Variants in STIM1 observed in about 807,000 individuals in gnomAD.
The protein encoded by STIM1 is stromal interaction molecule 1.
In STIM1, 25 loss-of-function variants were observed where a neutral mutation model predicts 74.7. The observed-to-expected ratio is 0.33, with a 90% CI of 0.24 to 0.47. The LOEUF (loss-of-function observed/expected upper bound fraction) is 0.47, where lower values mean the gene tolerates loss of function less well. Ranked by LOEUF, STIM1 falls within the 20% of genes least tolerant of loss-of-function variation. The pLI, the probability that STIM1 is intolerant of heterozygous loss-of-function variation, is 1.00. For synonymous variants in STIM1, 328 were observed against 348.8 expected, an observed-to-expected ratio of 0.94 and a Z score of 0.66; for missense variants, 728 against 920.8, an observed-to-expected ratio of 0.79 and a Z score of 2.71.
intron 2 of STIM1, among the ~76,000 whole-genome samples, chr11:3,991,950 CAAAAAAA>C (rs1230185435): frequency 1.4e-4 from 5 of 36,702 alleles, no homozygotes; most frequent in East Asian, 2.1e-3. Flanking sequence ...AACTCCATCT[CAAAAAAA>C]AAAAAAAAAA....
intron 1 of STIM1, among the ~76,000 whole-genome samples, chr11:3,951,597 G>A (rs2093149016): frequency 6.6e-6 from 1 of 152,056 alleles, no homozygotes; most frequent in Non-Finnish European, 1.5e-5. Context: ...TTATCATTGT[G>A]CACTTAGAGC....
intron 1 of STIM1, chr11:3,892,672 G>A (rs1378156212): frequency 6.2e-7 from 1 of 1,611,642 alleles, no homozygotes. Context: ...TGCTGCTAGT[G>A]CCATTATGGT....
intron 5 of STIM1, among the ~76,000 whole-genome samples, chr11:4,063,028 T>C (rs1335909887): frequency 2.6e-5 from 4 of 152,218 alleles, no homozygotes; most frequent in African/African-American, 9.7e-5. Flanking sequence ...TATATAATTT[T>C]GTGAGTTCAC....
intron 1 of STIM1, among the ~76,000 whole-genome samples, chr11:3,883,078 T>A (rs1425698011): frequency 6.6e-6 from 1 of 152,222 alleles, no homozygotes; most frequent in African/African-American, 2.4e-5. Flanking sequence ...TTATCTTTTT[T>A]AAAAACATTT....
Position 3,856,090 on chromosome 11 carries a change from C to T in STIM1, c.-181C>T, listed in dbSNP as rs773568469. The T allele has an allele frequency of 2.7e-5, 20 of 734,948 alleles. No homozygotes were observed. In the African/African-American group the frequency reaches 3.1e-4, roughly 12 times the overall value. The allele number at this position is 734,948 out of a possible 1,614,324, so 45.5% of individuals were successfully genotyped here. On this transcript the variant is annotated 5_prime_UTR_variant, in exon 1 of 13. Transcript: ENST00000526596. The stretch of plus-strand genomic sequence containing the variant: ...TGAGGAGCCAGCCCTCCTCCCGCAC[C>T]CAAACTTGGAGCACTTGACCTTTGG...
At chr11:3,915,307 C>T (rs1263824485) in intron 1 of STIM1, among the ~76,000 whole-genome samples, 1 of 152,024 alleles carries the variant, frequency 6.6e-6, no homozygotes, top group Non-Finnish European at 1.5e-5. Flanking sequence ...CCAGGTGCAT[C>T]TCGAATTCCC....
At chr11:3,943,900 A>G (rs2093040728) in intron 1 of STIM1, among the ~76,000 whole-genome samples, 1 of 152,274 alleles carries the variant, frequency 6.6e-6, no homozygotes, top group African/African-American at 2.4e-5. Flanking sequence ...ACAGATTCAC[A>G]TAAGTGACAG....
At chr11:3,863,315 G>A (rs946618664) in intron 1 of STIM1, among the ~76,000 whole-genome samples, 6 of 150,972 alleles carry the variant, frequency 4.0e-5, no homozygotes, top group African/African-American at 1.5e-4. Context: ...GATTGCAGTG[G>A]TGTGATCATG....
At chr11:3,934,924 G>A (rs1472747489) in intron 1 of STIM1, among the ~76,000 whole-genome samples, 1 of 152,204 alleles carries the variant, frequency 6.6e-6, no homozygotes, top group Admixed American at 6.5e-5. Flanking sequence ...GCCACCCTTG[G>A]CATCCTAACT....
At chr11:3,977,770 T>A (rs2093462721) in intron 2 of STIM1, among the ~76,000 whole-genome samples, 1 of 152,144 alleles carries the variant, frequency 6.6e-6, no homozygotes, top group African/African-American at 2.4e-5. Context: ...ATTTTTTTTT[T>A]AAGCTATTTG....
chr11:4,046,159 G>A (rs146371159), intron 3 of STIM1, among the ~76,000 whole-genome samples: 1 of 145,286 alleles, frequency 6.9e-6, no homozygotes, highest in East Asian at 2.0e-4. Flanking sequence ...CTGCCTCCTG[G>A]GTTCCAGTGA....
chr11:4,024,521 T>A (rs1297683829), intron 3 of STIM1, among the ~76,000 whole-genome samples: 3 of 152,246 alleles, frequency 2.0e-5, no homozygotes, highest in Admixed American at 6.5e-5. Context: ...AGAAAACATT[T>A]TCTCAGCCTC....
intron 4 of STIM1, 88 bp downstream of exon 4, chr11:4,055,725 T>C: frequency 4.0e-6 from 4 of 993,580 alleles, no homozygotes; most frequent in Non-Finnish European, 6.1e-6. Flanking sequence ...GCCAGTTAAG[T>C]GAGGTTCTGC....
intron 7 of STIM1, among the ~76,000 whole-genome samples, chr11:4,077,579 A>G (rs1008493684): frequency 7.2e-5 from 11 of 152,170 alleles, no homozygotes; most frequent in African/African-American, 2.7e-4. Flanking sequence ...TCTAGAATAT[A>G]CATTCTTTTT....
At chr11:3,900,807 CT>C (rs1297817978) in intron 1 of STIM1, among the ~76,000 whole-genome samples, 1 of 152,188 alleles carries the variant, frequency 6.6e-6, no homozygotes, top group Admixed American at 6.5e-5. Context: ...AACTCCTGGA[CT>C]CAAGCAGTCT....
intron 2 of STIM1, among the ~76,000 whole-genome samples, chr11:4,022,208 A>G (rs541601556): frequency 1.3e-5 from 2 of 151,586 alleles, no homozygotes; most frequent in East Asian, 3.9e-4. Context: ...TGGCGTGCAC[A>G]CCTATAGTCC....
At chr11:3,930,533 A>T (rs1421526771) in intron 1 of STIM1, among the ~76,000 whole-genome samples, 1 of 152,222 alleles carries the variant, frequency 6.6e-6, no homozygotes, top group East Asian at 1.9e-4. Context: ...GCTGTGGGCA[A>T]CAAAGGGAGC....
At chr11:3,973,869 A>G (rs1327516995) in intron 2 of STIM1, 3 of 456,652 alleles carry the variant, frequency 6.6e-6, no homozygotes, top group South Asian at 2.5e-5. Context: ...ACATGCCACC[A>G]TACCCAGCTA....
At chr11:3,872,523 CTTTTTT>C (rs574634847) in intron 1 of STIM1, among the ~76,000 whole-genome samples, 1 of 129,366 alleles carries the variant, frequency 7.7e-6, no homozygotes, top group Non-Finnish European at 1.6e-5. Flanking sequence ...TTCTTTTTTT[CTTTTTT>C]TTTTTTTTTT....
Sources: gnomAD v4.1 joint callset for allele counts (sites outside exome capture counted in the v4.1 genomes callset) on GRCh38, gnomAD v4.1.1 for gene constraint, MANE v1.5 for transcripts, NCBI Gene and HGNC (gene_info 2026-07-23, HGNC 2026-07-21) for gene names.